P2RY8: variants seen among roughly 807,000 people sequenced by gnomAD.
The protein encoded by P2RY8 is S-geranylgeranyl-glutathione receptor P2RY8.
A neutral mutation model predicts 10.0 loss-of-function variants in P2RY8; 6 were observed. The observed-to-expected ratio is 0.60, with a 90% confidence interval of 0.33 to 1.19. The LOEUF (loss-of-function observed/expected upper bound fraction) is 1.19, where lower values mean the gene tolerates loss of function less well. Among genes scored for constraint, P2RY8 ranks in the 50% most tolerant of loss-of-function variants. P2RY8 has a pLI of 0.04. For synonymous variants in P2RY8, 276 were observed against 252.5 expected (o/e 1.09, Z -0.88); for missense variants, 456 against 542.0 (o/e 0.84, Z 1.58).
At position 1,463,603 on chromosome X, in the gene P2RY8, C is replaced by T. The variant is rs1404222699; in HGVS notation, c.*1876G>A. 9 of 232,790 alleles carry T rather than the reference C, an allele frequency of 3.9e-5. No homozygotes were observed. Among genetic ancestry groups the T allele is most frequent in the African/African-American group, 1.8e-4 (8 of 45,304 alleles). 14.4% of individuals were successfully genotyped at this position (232,790 alleles called of 1,614,324 possible). A position where few individuals can be genotyped will look rare whatever the true frequency, so the allele number is the denominator to read the frequency against. ...TTACACATGCAAAGTTCCTTATTAC[C>T]GAATAAAATCTATAATAATTTCAGG... On this transcript the variant is annotated 3_prime_UTR_variant, in exon 2 of 2. Transcript: ENST00000381297.
intron 1 of P2RY8, among the ~76,000 whole-genome samples, chrX:1,523,654 C>T (rs1224372455): frequency 6.6e-6 from 1 of 151,980 alleles, no homozygotes; most frequent in Non-Finnish European, 1.5e-5. Flanking sequence ...AATACCACTG[C>T]GTTGTATTGA....
chrX:1,530,533 T>C (rs1173930201), intron 1 of P2RY8, among the ~76,000 whole-genome samples: 3 of 150,146 alleles, frequency 2.0e-5, no homozygotes, highest in Non-Finnish European at 4.4e-5. Context: ...TACGTACATA[T>C]GTATGTATCT....
intron 1 of P2RY8, among the ~76,000 whole-genome samples, chrX:1,519,672 C>T (rs1256628466): frequency 6.6e-6 from 1 of 152,176 alleles, no homozygotes; most frequent in Non-Finnish European, 1.5e-5. Context: ...CCAATATTCT[C>T]TCTGATCCAC....
At chrX:1,476,106 C>T (rs2091869820) in intron 1 of P2RY8, among the ~76,000 whole-genome samples, 1 of 152,136 alleles carries the variant, frequency 6.6e-6, no homozygotes. Flanking sequence ...CCTTCCAGCT[C>T]CAGGAGGGAG....
rs375566106 is a variant in P2RY8 at position 1,534,568 on chromosome X, C to T, written c.-25+2353G>A. ...GGACACTGGGATCCCTGGACCCTGC[C>T]CCGCCCACCCCACTGCCTCTAGGGA... On this transcript the variant is annotated intron_variant, in intron 1 of 1. Coordinates refer to ENST00000381297, the MANE Select transcript of P2RY8 (RefSeq NM_178129.5). 2.0e-5 allele frequency among the ~76,000 whole-genome samples: 3 copies of T among 152,038 alleles called. No homozygotes were observed. In the East Asian group the frequency reaches 5.8e-4, roughly 29 times the overall value.
intron 1 of P2RY8, among the ~76,000 whole-genome samples, chrX:1,511,988 T>C (rs77440288): frequency 0.38 from 57,715 of 151,894 alleles, 11,253 homozygotes; most frequent in Middle Eastern, 0.54. Flanking sequence ...GGCCCACCTG[T>C]TCCTCTGCCT....
intron 1 of P2RY8, among the ~76,000 whole-genome samples, chrX:1,480,815 T>G (rs2091925990): frequency 6.7e-6 from 1 of 149,374 alleles, no homozygotes; most frequent in South Asian, 2.1e-4. Context: ...GAACTTAAAG[T>G]AAAATAAAAA....
At chrX:1,474,111 T>C (rs1285496707) in intron 1 of P2RY8, among the ~76,000 whole-genome samples, 3 of 149,758 alleles carry the variant, frequency 2.0e-5, no homozygotes. Context: ...AGTGTTTAGA[T>C]AGGTGGATGT....
intron 1 of P2RY8, among the ~76,000 whole-genome samples, chrX:1,518,254 C>T (rs75905744): frequency 0.14 from 21,208 of 150,774 alleles, 1,644 homozygotes; most frequent in African/African-American, 0.2. Flanking sequence ...GGTGAAACCC[C>T]GTCTCTACTA....
intron 1 of P2RY8, among the ~76,000 whole-genome samples, chrX:1,481,176 T>G (rs1243273044): frequency 6.6e-6 from 1 of 151,680 alleles, no homozygotes; most frequent in Non-Finnish European, 1.5e-5. Flanking sequence ...AATACATTTT[T>G]TTTTTTTCTT....
At chrX:1,501,592 T>TAG (rs1366940723) in intron 1 of P2RY8, among the ~76,000 whole-genome samples, 1 of 151,670 alleles carries the variant, frequency 6.6e-6, no homozygotes, top group African/African-American at 2.4e-5. Context: ...CATTTTTATT[T>TAG]TTTATTATTA....
At chrX:1,469,820 A>G (rs2091760803) in intron 1 of P2RY8, among the ~76,000 whole-genome samples, 1 of 151,780 alleles carries the variant, frequency 6.6e-6, no homozygotes, top group Non-Finnish European at 1.5e-5. Flanking sequence ...AATGGCCTGA[A>G]CCCGGGAGGC....
intron 1 of P2RY8, among the ~76,000 whole-genome samples, chrX:1,480,308 T>A (rs1184920098): frequency 1.4e-5 from 2 of 145,560 alleles, no homozygotes; most frequent in African/African-American, 5.0e-5. Context: ...TTTTTTTTTT[T>A]ATTGGCTGAG....
intron 1 of P2RY8, among the ~76,000 whole-genome samples, chrX:1,493,870 T>C (rs1229512429): frequency 2.0e-5 from 3 of 151,950 alleles, no homozygotes; most frequent in Non-Finnish European, 4.4e-5. Context: ...TCTGCGACCC[T>C]CGAGAGCTTG....
At chrX:1,480,227 A>G (rs2091918789) in intron 1 of P2RY8, among the ~76,000 whole-genome samples, 1 of 152,164 alleles carries the variant, frequency 6.6e-6, no homozygotes, top group African/African-American at 2.4e-5. Context: ...AACTAGCCTG[A>G]AGGGTGAGAG....
At chrX:1,470,491 C>A (rs1464745353) in intron 1 of P2RY8, among the ~76,000 whole-genome samples, 8 of 152,070 alleles carry the variant, frequency 5.3e-5, no homozygotes, top group Non-Finnish European at 1.2e-4. Context: ...TGCACTCCAG[C>A]CTGGGCAACA....
chrX:1,484,741 AAAAAAAAGAAG>A (rs1569537009), intron 1 of P2RY8, among the ~76,000 whole-genome samples: 3 of 139,218 alleles, frequency 2.2e-5, no homozygotes, highest in East Asian at 2.1e-4. Flanking sequence ...AAAAAAAAAA[AAAAAAAAGAAG>A]AAGAAGAAGA....
chrX:1,470,788 A>G (rs1263844199), intron 1 of P2RY8, among the ~76,000 whole-genome samples: 4 of 151,188 alleles, frequency 2.6e-5, no homozygotes. Flanking sequence ...TGGATAGACC[A>G]CATTCTGTTT....
intron 1 of P2RY8, among the ~76,000 whole-genome samples, chrX:1,500,035 T>C: frequency 8.1e-6 from 1 of 122,896 alleles, no homozygotes; most frequent in Non-Finnish European, 1.9e-5. Flanking sequence ...ATTTTTTGTA[T>C]TTTTAGTAGA....
Sources: gnomAD v4.1 joint callset for allele counts (sites outside exome capture counted in the v4.1 genomes callset) on GRCh38, gnomAD v4.1.1 for gene constraint, MANE v1.5 for transcripts, NCBI Gene and HGNC (gene_info 2026-07-23, HGNC 2026-07-21) for gene names.